SCN9A: variants seen among roughly 807,000 people sequenced by gnomAD.
SCN9A encodes sodium channel protein type 9 subunit alpha.
A neutral mutation model predicts 187.0 loss-of-function variants in SCN9A; 131 were observed. The observed-to-expected ratio is 0.70, with a 90% CI of 0.61 to 0.81. SCN9A has a LOEUF of 0.81. SCN9A is among the 30% of genes least tolerant of loss of function. SCN9A has a pLI of 0.00. For synonymous variants in SCN9A, 809 were observed against 808.6 expected (o/e 1.00, Z -0.01); for missense variants, 2,252 against 2,396.6 (o/e 0.94, Z 1.26).
In SCN9A at chr2:166,294,678, T is replaced by A. The variant is rs765876824; in HGVS notation, c.902-16A>T. The A allele has an allele frequency of 1.2e-5, 19 of 1,568,658 alleles. No individual in the cohort carries two copies. The African/African-American group carries it at 2.4e-4, about 20-fold the overall frequency. On this transcript the variant is annotated splice_polypyrimidine_tract_variant and intron_variant, in intron 7 of 26. Coordinates refer to ENST00000642356, the MANE Select transcript of SCN9A (RefSeq NM_001365536.1). ...TAAAAATATTCTGTTGAAGAAGAATTTGAACAGTTATAACATCACAGACTT... is the reference window on the plus strand; with the variant it reads ...TAAAAATATTCTGTTGAAGAAGAATATGAACAGTTATAACATCACAGACTT...
intron 9 of SCN9A, among the ~76,000 whole-genome samples, chr2:166,292,389 G>C (rs1698114865): frequency 1.3e-5 from 2 of 151,936 alleles, no homozygotes; most frequent in Non-Finnish European, 2.9e-5. Context: ...CTTTAATTTT[G>C]AGTAAAGGTG....
In SCN9A at chr2:166,344,444, C is replaced by T. The variant is rs551440261; in HGVS notation, c.-51+31253G>A. 1.2e-3 allele frequency among the ~76,000 whole-genome samples: 181 copies of T among 152,168 alleles called. 1 individual carries two copies. The highest frequency in any genetic ancestry group is 3.9e-3 in the African/African-American group (160 of 41,530). On this transcript the variant is annotated intron_variant, in intron 1 of 26. Coordinates refer to ENST00000642356, the MANE Select transcript of SCN9A (RefSeq NM_001365536.1). ...AAGCCTTTGATGAAACAGCATCTTA[C>T]GAAACTAAGGACTTGTAATTTGTAC...
At position 166,199,496 on chromosome 2, in the gene SCN9A, A is replaced by T; in HGVS notation, c.5143T>A (p.Cys1715Ser). 6.2e-7 allele frequency: 1 copy of T among 1,614,206 alleles called. No homozygotes were observed. Among genetic ancestry groups the T allele is most frequent in the Non-Finnish European group, 8.5e-7 (1 of 1,180,032 alleles). Reference sequence around the variant, plus strand: ...CCAGGATGAACTTTTTTTGGGTCACAGTCGGGTGGCTTACTGTTAAGAATA... The same window carrying T: ...CCAGGATGAACTTTTTTTGGGTCACTGTCGGGTGGCTTACTGTTAAGAATA... ...APILNSKPPD[C>S]DPKKVHPGSS... Residue 1715 changes from cysteine to serine, a missense_variant, in exon 27 of 27, where the codon TGT becomes AGT. Coordinates refer to ENST00000642356, the MANE Select transcript of SCN9A (RefSeq NM_001365536.1).
At chr2:166,231,304 T>C (rs1695073213) in intron 21 of SCN9A, among the ~76,000 whole-genome samples, 1 of 152,210 alleles carries the variant, frequency 6.6e-6, no homozygotes, top group Non-Finnish European at 1.5e-5. Context: ...TAGAATATTT[T>C]TGAATTGTGC....
chr2:166,275,288 TAAG>T (rs904013852), intron 16 of SCN9A, among the ~76,000 whole-genome samples: 2 of 151,946 alleles, frequency 1.3e-5, no homozygotes, highest in African/African-American at 4.8e-5. Context: ...CAAAATTTTG[TAAG>T]AAGAAATGCA....
intron 1 of SCN9A, among the ~76,000 whole-genome samples, chr2:166,337,729 T>G (rs1474191578): frequency 6.6e-6 from 1 of 152,120 alleles, no homozygotes; most frequent in Admixed American, 6.6e-5. Context: ...GCTACCTTCT[T>G]TTTAATCCAG....
At chr2:166,343,157 T>C (rs1574946655) in intron 1 of SCN9A, among the ~76,000 whole-genome samples, 1 of 152,306 alleles carries the variant, frequency 6.6e-6, no homozygotes, top group East Asian at 1.9e-4. Context: ...AGCACCGATT[T>C]TTTTGTCATA....
chr2:166,322,600 ATTAAC>A (rs1289729093), intron 1 of SCN9A, among the ~76,000 whole-genome samples: 1 of 152,196 alleles, frequency 6.6e-6, no homozygotes, highest in African/African-American at 2.4e-5. Flanking sequence ...TCATAAGATT[ATTAAC>A]TTGTCTCATC....
chr2:166,330,233 T>C (rs115979359), intron 1 of SCN9A, among the ~76,000 whole-genome samples: 1,672 of 152,256 alleles, frequency 0.011, 29 homozygotes, highest in African/African-American at 0.038. Flanking sequence ...ATTGTTATCA[T>C]TGGCCATGCA....
At chr2:166,342,105 A>G (rs1699800322) in intron 1 of SCN9A, among the ~76,000 whole-genome samples, 1 of 152,194 alleles carries the variant, frequency 6.6e-6, no homozygotes, top group Admixed American at 6.6e-5. Context: ...TGATTATATT[A>G]TACCTTATAT....
At chr2:166,355,772 A>T (rs1436275445) in intron 1 of SCN9A, among the ~76,000 whole-genome samples, 4 of 149,076 alleles carry the variant, frequency 2.7e-5, no homozygotes, top group Non-Finnish European at 5.9e-5. Flanking sequence ...TCTGGGAAAC[A>T]TAGGCCTAGA....
chr2:166,332,405 T>A (rs1196648251), intron 1 of SCN9A, among the ~76,000 whole-genome samples: 1 of 152,202 alleles, frequency 6.6e-6, no homozygotes, highest in South Asian at 2.1e-4. Flanking sequence ...GTAATCAATA[T>A]CTTTGCTTAA....
intron 15 of SCN9A, 37 bp from the exon 16 acceptor site, chr2:166,277,376 G>T: frequency 1.4e-6 from 2 of 1,393,038 alleles, no homozygotes; most frequent in Non-Finnish European, 2.0e-6. Context: ...TAATCACTAT[G>T]AAAATCTTTT....
chr2:166,202,588 A>C (rs1181569316), intron 26 of SCN9A, among the ~76,000 whole-genome samples: 1 of 151,832 alleles, frequency 6.6e-6, no homozygotes, highest in Non-Finnish European at 1.5e-5. Flanking sequence ...TAGATTAATA[A>C]ATTTGAAAGT....
intron 9 of SCN9A, 135 bp downstream of exon 9, chr2:166,293,096 T>A: frequency 1.4e-6 from 1 of 708,002 alleles, no homozygotes; most frequent in Non-Finnish European, 2.3e-6. Flanking sequence ...AGTAAAACAC[T>A]TATAATTTTG....
Position 166,204,083 on chromosome 2 carries a change from C to T in SCN9A, c.4646G>A (p.Trp1549Ter), listed in dbSNP as rs768053804. The part of the protein sequence containing the change: ...QSQHMTEVLY[W>*]INVVFIILFT... Reference sequence around the variant, plus strand: ...AAGGATTATAAAAACCACATTTATCCAATATAAAACTTCAGTCATATGTTG... The same window carrying T: ...AAGGATTATAAAAACCACATTTATCTAATATAAAACTTCAGTCATATGTTG... The change falls in exon 26 of 27, where the codon TGG (tryptophan) becomes TAG (stop). Residue 1549 changes from tryptophan (W) to a stop codon, truncating the protein, a stop_gained. Coordinates refer to ENST00000642356, the MANE Select transcript of SCN9A (RefSeq NM_001365536.1). LOFTEE classifies it high-confidence loss of function. The T allele has an allele frequency of 3.1e-6, 5 of 1,612,516 alleles. No individual in the cohort carries two copies. Among genetic ancestry groups the T allele is most frequent in the Non-Finnish European group, 4.2e-6 (5 of 1,179,136 alleles).
chr2:166,311,216 G>A (rs1698931656), intron 2 of SCN9A, among the ~76,000 whole-genome samples: 1 of 136,502 alleles, frequency 7.3e-6, no homozygotes, highest in Admixed American at 7.4e-5. Flanking sequence ...CCTGCACAAT[G>A]TGCACATGTA....
chr2:166,208,889 TC>T, intron 24 of SCN9A, among the ~76,000 whole-genome samples: 1 of 152,354 alleles, frequency 6.6e-6, no homozygotes, highest in South Asian at 2.1e-4. Flanking sequence ...AATTTATCCA[TC>T]CTTTCTAGGG....
chr2:166,252,972 C>T (rs1403112350), intron 17 of SCN9A, among the ~76,000 whole-genome samples: 1 of 151,848 alleles, frequency 6.6e-6, no homozygotes, highest in African/African-American at 2.4e-5. Flanking sequence ...TATTAAGTTA[C>T]AACTTTATCT....
Sources: allele counts gnomAD v4.1 joint callset (sites outside exome capture counted in the v4.1 genomes callset), GRCh38; gene constraint gnomAD v4.1.1; transcripts MANE v1.5; gene names NCBI Gene and HGNC (gene_info 2026-07-23, HGNC 2026-07-21).